Variants in RYR3 observed in about 807,000 individuals in gnomAD.
The protein encoded by RYR3 is brain ryanodine receptor-calcium release channel.
In RYR3, 207 loss-of-function variants were observed where a neutral mutation model predicts 584.3. The observed-to-expected ratio is 0.35, with a 90% CI of 0.32 to 0.40. The LOEUF (loss-of-function observed/expected upper bound fraction) is 0.40. Among genes scored for constraint, RYR3 ranks in the 10% least tolerant of loss-of-function variants. The probability of loss-of-function intolerance (pLI) is 1.00; values close to 1 mark genes in which losing one functional copy is unlikely to be tolerated. For synonymous variants in RYR3, 2,416 were observed against 2,248.5 expected (o/e 1.07, Z -2.11); for missense variants, 5,616 against 6,089.2 (o/e 0.92, Z 2.59).
intron 81 of RYR3, among the ~76,000 whole-genome samples, chr15:33,825,100 A>G (rs745635501): frequency 1.3e-5 from 2 of 152,210 alleles, no homozygotes; most frequent in Non-Finnish European, 2.9e-5. Flanking sequence ...TAGAATCATA[A>G]AAGGGCGTGG....
chr15:33,495,779 G>C (rs796523387), intron 2 of RYR3, among the ~76,000 whole-genome samples: 1 of 152,116 alleles, frequency 6.6e-6, no homozygotes, highest in African/African-American at 2.4e-5. Context: ...AGGTCACAAA[G>C]GTAGGCTTAA....
At chr15:33,430,308 G>A (rs1216526402) in intron 1 of RYR3, among the ~76,000 whole-genome samples, 1 of 152,126 alleles carries the variant, frequency 6.6e-6, no homozygotes, top group Non-Finnish European at 1.5e-5. Flanking sequence ...AGGTGGGGAG[G>A]GAGAAGTCAC....
chr15:33,816,369 A>G (rs1221370869), intron 74 of RYR3, among the ~76,000 whole-genome samples: 1 of 152,226 alleles, frequency 6.6e-6, no homozygotes, highest in Non-Finnish European at 1.5e-5. Context: ...TAAAAGCTGG[A>G]GCACTTTACC....
chr15:33,513,243 A>G (rs555411803), intron 3 of RYR3, among the ~76,000 whole-genome samples: 7 of 152,354 alleles, frequency 4.6e-5, no homozygotes, highest in Middle Eastern at 3.4e-3. Flanking sequence ...AATGAACTAG[A>G]GCAAACTTCA....
At chr15:33,680,599 A>T (rs752035231) in intron 38 of RYR3, among the ~76,000 whole-genome samples, 12 of 152,244 alleles carry the variant, frequency 7.9e-5, no homozygotes, top group African/African-American at 2.4e-4. Flanking sequence ...GATTACAAAA[A>T]CTTGGTCACA....
chr15:33,612,639 C>T (rs966732444), intron 18 of RYR3, among the ~76,000 whole-genome samples: 1 of 152,224 alleles, frequency 6.6e-6, no homozygotes, highest in African/African-American at 2.4e-5. Context: ...GGATTACAGG[C>T]GTGAGCCACT....
Position 33,662,581 on chromosome 15 carries a change from C to CTT in RYR3, c.5051_5052insTT (p.Glu1685SerfsTer13). The CTT allele has an allele frequency of 6.2e-7, 1 of 1,613,986 alleles. No homozygotes were observed. The highest frequency in any genetic ancestry group is 8.5e-7 in the Non-Finnish European group (1 of 1,179,892). ...GGTGAGGATCACCAAAAGCAGAGCC[C>CTT]CGAGATTCCCTTGGAGAGTCTCAGG... On this transcript the variant is annotated frameshift_variant, in exon 35 of 104. Coordinates refer to ENST00000634891, the MANE Select transcript of RYR3 (RefSeq NM_001036.6). LOFTEE classifies it high-confidence loss of function.
intron 5 of RYR3, among the ~76,000 whole-genome samples, chr15:33,535,843 A>G (rs949665281): frequency 1.3e-4 from 20 of 152,224 alleles, no homozygotes; most frequent in African/African-American, 4.8e-4. Context: ...CAGACAAGGC[A>G]AACACATAGA....
At chr15:33,774,974 T>C (rs62010988) in intron 64 of RYR3, among the ~76,000 whole-genome samples, 36,145 of 151,836 alleles carry the variant, frequency 0.24, 4,562 homozygotes, top group Non-Finnish European at 0.28. Context: ...ATACATTCAC[T>C]CATATGTCTG....
intron 8 of RYR3, among the ~76,000 whole-genome samples, chr15:33,546,779 C>A (rs1034291533): frequency 6.6e-6 from 1 of 151,980 alleles, no homozygotes; most frequent in Non-Finnish European, 1.5e-5. Flanking sequence ...TATTTTGAAT[C>A]GACTCATAAT....
chr15:33,848,865 TC>T (rs1407933008), intron 94 of RYR3, among the ~76,000 whole-genome samples: 2 of 126,042 alleles, frequency 1.6e-5, no homozygotes, highest in East Asian at 5.1e-4. Flanking sequence ...AGACAGAGTC[TC>T]CCTTTGTTGC....
chr15:33,816,226 T>C (rs906634574), intron 74 of RYR3, among the ~76,000 whole-genome samples: 2 of 152,224 alleles, frequency 1.3e-5, no homozygotes, highest in African/African-American at 4.8e-5. Flanking sequence ...TTCCCAGAAG[T>C]CAATCCTGGC....
At chr15:33,367,222 A>G (rs1416607717) in intron 1 of RYR3, among the ~76,000 whole-genome samples, 2 of 152,192 alleles carry the variant, frequency 1.3e-5, no homozygotes, top group Non-Finnish European at 2.9e-5. Flanking sequence ...TTCACATTGC[A>G]TTTCTGAAAA....
At chr15:33,651,811 G>T (rs1271311327) in intron 31 of RYR3, among the ~76,000 whole-genome samples, 1 of 152,154 alleles carries the variant, frequency 6.6e-6, no homozygotes, top group Non-Finnish European at 1.5e-5. Flanking sequence ...TTTAACTTGA[G>T]AAAAGTCATG....
At chr15:33,679,983 CT>C (rs758352979) in intron 38 of RYR3, among the ~76,000 whole-genome samples, 3 of 152,124 alleles carry the variant, frequency 2.0e-5, no homozygotes, top group African/African-American at 4.8e-5. Context: ...GAGTAAACAG[CT>C]CTCAGATGGT....
chr15:33,747,419 C>CTTTTTTTTTTTTTTTTTT (rs397854038), intron 53 of RYR3, among the ~76,000 whole-genome samples: 1 of 71,914 alleles, frequency 1.4e-5, no homozygotes, highest in African/African-American at 6.4e-5. Context: ...TGTTGTCACC[C>CTTTTTTTTTTTTTTTTTT]TTTTTTTTTT....
intron 70 of RYR3, among the ~76,000 whole-genome samples, chr15:33,809,378 G>A (rs2152942136): frequency 6.6e-6 from 1 of 152,250 alleles, no homozygotes. Flanking sequence ...TGGCTACCCA[G>A]CCCTCCCCAC....
intron 32 of RYR3, 120 bp downstream of exon 32, chr15:33,653,003 G>C: frequency 1.1e-6 from 1 of 932,976 alleles, no homozygotes; most frequent in Non-Finnish European, 1.6e-6. Flanking sequence ...AGCCCATGTG[G>C]GCCATGGGCC....
intron 85 of RYR3, among the ~76,000 whole-genome samples, chr15:33,828,147 A>G (rs1325709718): frequency 1.3e-5 from 2 of 152,148 alleles, no homozygotes; most frequent in African/African-American, 4.8e-5. Flanking sequence ...CGATGTTACT[A>G]TTGTAATTGT....
Sources: gnomAD v4.1 joint callset for allele counts (sites outside exome capture counted in the v4.1 genomes callset) on GRCh38, gnomAD v4.1.1 for gene constraint, MANE v1.5 for transcripts, NCBI Gene and HGNC (gene_info 2026-07-23, HGNC 2026-07-21) for gene names.